ZNF766: variants seen among roughly 807,000 people sequenced by gnomAD.
The protein encoded by ZNF766 is zinc finger protein 766.
In ZNF766, 13 loss-of-function variants were observed where a neutral mutation model predicts 13.2. The observed-to-expected ratio is 0.98, with a 90% CI of 0.64 to 1.56. The LOEUF (loss-of-function observed/expected upper bound fraction) is 1.56, where lower values mean the gene tolerates loss of function less well. Among genes scored for constraint, ZNF766 ranks in the 40% most tolerant of loss-of-function variants. The pLI, the probability that ZNF766 is intolerant of heterozygous loss-of-function variation, is 0.00. For missense variants in ZNF766, 521 were observed against 552.2 expected (o/e 0.94, Z 0.57); for synonymous variants, 178 against 187.6 (o/e 0.95, Z 0.42).
In ZNF766 at chr19:52,291,192, A is replaced by G. The variant is rs1982127204; in HGVS notation, c.1401A>G (p.Thr467=). The G allele has an allele frequency of 6.4e-7, 1 of 1,558,362 alleles. No individual in the cohort carries two copies. ...GAAGTGTTCATGAGAGAGTCCTTAC[A>G]AACTGAGTTTGGCAAACTCTATCAT... ...HQRSVHERVL[T]N Residue 467 remains threonine (T), a synonymous_variant, in exon 4 of 4, where the codon ACA becomes ACG. Transcript: ENST00000439461.
rs1217819157 is a variant in ZNF766, at chr19:52,290,967, C to T, written c.1176C>T (p.Phe392=). The change falls in exon 4 of 4, where the codon TTC becomes TTT. Residue 392 remains phenylalanine, a synonymous_variant. Coordinates refer to ENST00000439461, the MANE Select transcript of ZNF766 (RefSeq NM_001010851.3). ...AATGTCATGAATGTGGCAAAGTCTT[C>T]ACTCAAGTTTCACATCTTGCACGAC... The part of the protein sequence containing the change: ...PYKCHECGKV[F]TQVSHLARHQ... 2 of 1,613,892 alleles carry T rather than the reference C, an allele frequency of 1.2e-6. No homozygotes were observed. The highest frequency in any genetic ancestry group is 1.7e-6 in the Non-Finnish European group (2 of 1,179,996).
rs1982295967 is a variant in ZNF766, at chr19:52,295,175, C to G, written c.*3977C>G. On this transcript the variant is annotated 3_prime_UTR_variant, in exon 4 of 4. Transcript: ENST00000439461. ...TTTTTCTGTACATTGCATCCAGATG[C>G]TATGCTTGTTTGTTTTTTTTTTTGA... 1 of 148,910 alleles carries G rather than the reference C, an allele frequency of 6.7e-6. No individual in the cohort carries two copies. Among genetic ancestry groups the G allele is most frequent in the Admixed American group, 6.7e-5 (1 of 14,928 alleles). 9.2% of individuals were successfully genotyped at this position (148,910 alleles called of 1,614,324 possible).
intron 1 of ZNF766, chr19:52,281,768 A>G: frequency 2.0e-6 from 1 of 490,704 alleles, no homozygotes; most frequent in Non-Finnish European, 4.2e-6. Context: ...CCACAATTCT[A>G]TAGAAGTGTT....
At chr19:52,287,488 A>G (rs924913614) in intron 3 of ZNF766, among the ~76,000 whole-genome samples, 1 of 152,174 alleles carries the variant, frequency 6.6e-6, no homozygotes, top group Non-Finnish European at 1.5e-5. Context: ...TCAAGGTAAC[A>G]CTGGCCTCAT....
At position 52,282,224 on chromosome 19, in the gene ZNF766, C is replaced by G; in HGVS notation, c.132C>G (p.Asn44Lys). ...ATGTGATGTTGGAGAACTACAGGAA[C>G]CTGGTCTCCCTGGGTAAGGATAATG... ...YRDVMLENYR[N>K]LVSLGICLPD... The change falls in exon 2 of 4, where the codon AAC becomes AAG. Residue 44 changes from asparagine (N) to lysine (K), a missense_variant. Physicochemically the swap from Asn to Lys is moderately conservative, Grantham distance 94. Coordinates refer to ENST00000439461, the MANE Select transcript of ZNF766 (RefSeq NM_001010851.3). 1 of 1,601,282 alleles carries G rather than the reference C, an allele frequency of 6.2e-7. No homozygotes were observed. Among genetic ancestry groups the G allele is most frequent in the Non-Finnish European group, 8.5e-7 (1 of 1,172,122 alleles).
intron 3 of ZNF766, among the ~76,000 whole-genome samples, chr19:52,288,544 ATTTAT>A (rs1012728010): frequency 1.3e-5 from 2 of 151,758 alleles, no homozygotes; most frequent in Admixed American, 6.6e-5. Flanking sequence ...ATTAAAACTA[ATTTAT>A]TTTATTTTAT....
chr19:52,285,196 A>G (rs575137146), intron 3 of ZNF766: 2 of 152,238 alleles, frequency 1.3e-5, no homozygotes, highest in South Asian at 4.2e-4. Context: ...CTCTGCTCTC[A>G]CACCACCACG....
At chr19:52,285,136 T>A (rs1981748804) in intron 3 of ZNF766, 1 of 152,130 alleles carries the variant, frequency 6.6e-6, no homozygotes, top group Admixed American at 6.5e-5. Context: ...GCATCACACA[T>A]TTTGGTATCT....
rs544447556 is a variant in ZNF766, at chr19:52,276,909, G to T, written c.19-5202G>T. 2.4e-4 allele frequency among the ~76,000 whole-genome samples: 37 copies of T among 152,304 alleles called. No homozygotes were observed. In the South Asian group the frequency reaches 7.7e-3, roughly 32 times the overall value. ...GTGCCCTGAAGGGGAGCTTAGTCCA[G>T]CCCAGCTCCCCACTGCTGCAGTGTG... On this transcript the variant is annotated intron_variant, in intron 1 of 3. Transcript: ENST00000439461.
chr19:52,273,363 G>A (rs1453376754), intron 1 of ZNF766, among the ~76,000 whole-genome samples: 2 of 152,212 alleles, frequency 1.3e-5, no homozygotes. Flanking sequence ...AACAGATGAG[G>A]AAATTTGTTG....
rs1982140462 is a variant in ZNF766, at chr19:52,291,450, A to C, written c.*252A>C. On this transcript the variant is annotated 3_prime_UTR_variant, in exon 4 of 4. Transcript: ENST00000439461. ...GCAAGGACACGTGGAAATGATCTGT[A>C]ATATTCGGGTTATTAAAAATGTAAT... 2 of 402,620 alleles carry C rather than the reference A, an allele frequency of 5.0e-6. No homozygotes were observed. Among genetic ancestry groups the C allele is most frequent in the Non-Finnish European group, 8.8e-6 (2 of 227,598 alleles). The allele number at this position is 402,620 out of a possible 1,614,324, so 24.9% of individuals were successfully genotyped here.
intron 3 of ZNF766, among the ~76,000 whole-genome samples, chr19:52,283,683 A>T (rs1981660671): frequency 6.6e-6 from 1 of 152,140 alleles, no homozygotes; most frequent in Non-Finnish European, 1.5e-5. Context: ...TTCTTAAGAG[A>T]AATCTTTCTT....
chr19:52,290,751 T>A lies in ZNF766; in HGVS notation c.960T>A (p.Ile320=). The change falls in exon 4 of 4, where the codon ATT becomes ATA. Residue 320 remains isoleucine (I), a synonymous_variant. Transcript: ENST00000439461. ...CATACCTAGCACAACATTGGAGAAT[T>A]CATACAGGAGAGAAACTTTACAAAT... The part of the protein sequence containing the change: ...SSSYLAQHWR[I]HTGEKLYKCN... The A allele has an allele frequency of 6.2e-7, 1 of 1,613,898 alleles. No individual in the cohort carries two copies. Among genetic ancestry groups the A allele is most frequent in the Non-Finnish European group, 8.5e-7 (1 of 1,179,896 alleles).
chr19:52,275,855 G>C (rs1324710482), intron 1 of ZNF766, among the ~76,000 whole-genome samples: 1 of 151,730 alleles, frequency 6.6e-6, no homozygotes, highest in African/African-American at 2.4e-5. Flanking sequence ...TAATTTTTGT[G>C]TTTTTAGTAG....
chr19:52,288,811 C>T (rs57659523), intron 3 of ZNF766, among the ~76,000 whole-genome samples: 12,857 of 150,924 alleles, frequency 0.085, 1,191 homozygotes, highest in African/African-American at 0.23. Flanking sequence ...CAAGATATTT[C>T]CTAATTTTCC....
intron 3 of ZNF766, among the ~76,000 whole-genome samples, chr19:52,287,106 A>T (rs58407866): frequency 1.3e-5 from 2 of 151,534 alleles, no homozygotes; most frequent in East Asian, 3.9e-4. Context: ...AAGTGCTGGG[A>T]TTACAGGTGT....
intron 3 of ZNF766, 108 bp from the exon 4 acceptor site, chr19:52,289,958 G>T: frequency 1.8e-6 from 2 of 1,120,616 alleles, no homozygotes; most frequent in Non-Finnish European, 2.5e-6. Flanking sequence ...CCGAGATCGT[G>T]CCACTGCACT....
Position 52,292,081 on chromosome 19 carries a change from G to GA in ZNF766, c.*891dup, listed in dbSNP as rs986342075. 28 of 694,260 alleles carry GA rather than the reference G, an allele frequency of 4.0e-5. No individual in the cohort carries two copies. Among genetic ancestry groups the GA allele is most frequent in the African/African-American group, 2.1e-4 (12 of 56,592 alleles). The allele number at this position is 694,260 out of a possible 1,614,324, so 43.0% of individuals were successfully genotyped here. A position where few individuals can be genotyped will look rare whatever the true frequency, so the allele number is the denominator to read the frequency against. ...GACAGAGCGAGACCCTGTCTCAAAA[G>GA]AAAAAAAAGGCTAGTTTTTATGACT... On this transcript the variant is annotated 3_prime_UTR_variant, in exon 4 of 4. Transcript: ENST00000439461.
rs1982143102 is a variant in ZNF766, at chr19:52,291,507, C to T, written c.*309C>T. The T allele has an allele frequency of 2.1e-5, 5 of 236,586 alleles. No individual in the cohort carries two copies. The South Asian group carries it at 3.8e-4, about 18-fold the overall frequency. The allele number at this position is 236,586 out of a possible 1,614,324, so 14.7% of individuals were successfully genotyped here. On this transcript the variant is annotated 3_prime_UTR_variant, in exon 4 of 4. Transcript: ENST00000439461. ...GGCGCAGTGGCTCACACCTGTAATC[C>T]TAGCACTTTGGGAGGTTGAGGCAGG...
Sources: gnomAD v4.1 joint callset for allele counts (sites outside exome capture counted in the v4.1 genomes callset) on GRCh38, gnomAD v4.1.1 for gene constraint, MANE v1.5 for transcripts, NCBI Gene and HGNC (gene_info 2026-07-23, HGNC 2026-07-21) for gene names.